DNAJC10: variants seen among roughly 807,000 people sequenced by gnomAD.
DNAJC10 encodes the protein endoplasmic reticulum disulfide reductase DNAJC10.
Under a neutral mutation model 115.0 loss-of-function variants are expected in DNAJC10, and 101 were observed. The ratio of observed to expected loss-of-function variants is 0.88; its 90% CI spans 0.75 to 1.04. The LOEUF (loss-of-function observed/expected upper bound fraction) is 1.04, where lower values mean the gene tolerates loss of function less well. Among genes scored for constraint, DNAJC10 ranks in the 50% least tolerant of loss-of-function variants. The pLI is 0.00. For missense variants in DNAJC10, 981 were observed against 928.8 expected (o/e 1.06, Z -0.73); for synonymous variants, 307 against 301.5 (o/e 1.02, Z -0.19).
chr2:182,757,624 C>A lies in DNAJC10; in HGVS notation c.1810-68C>A, dbSNP rs570612750. 3.0e-4 allele frequency: 367 copies of A among 1,220,180 alleles called. 4 individuals carry two copies. In the South Asian group the frequency reaches 6.7e-3, roughly 22 times the overall value. The allele number at this position is 1,220,180 out of a possible 1,614,324, so 75.6% of individuals were successfully genotyped here. On this transcript the variant is annotated intron_variant, in intron 18 of 23. Transcript: ENST00000264065. ...TAATAACTGTTTCACCATAATAATACAATGCTTATTTCTTTATTGCAAACA... is the reference window on the plus strand; with the variant it reads ...TAATAACTGTTTCACCATAATAATAAAATGCTTATTTCTTTATTGCAAACA...
intron 13 of DNAJC10, among the ~76,000 whole-genome samples, chr2:182,742,514 TTA>T (rs1693761399): frequency 2.0e-5 from 3 of 151,954 alleles, no homozygotes; most frequent in Non-Finnish European, 4.4e-5. Context: ...CAACTCAAGG[TTA>T]TGTTTTCTTA....
chr2:182,731,155 T>C, intron 9 of DNAJC10, 48 bp downstream of exon 9: 3 of 1,436,136 alleles, frequency 2.1e-6, no homozygotes, highest in Non-Finnish European at 2.9e-6. Flanking sequence ...GACATTTAAA[T>C]TTTTGGTGAC....
At chr2:182,740,501 C>CT in intron 12 of DNAJC10, 113 bp downstream of exon 12, 6 of 1,036,590 alleles carry the variant, frequency 5.8e-6, no homozygotes, top group Non-Finnish European at 6.7e-6. Flanking sequence ...TTGAAAGTAG[C>CT]AGTTTCAAAG....
In DNAJC10 at chr2:182,779,026, A is replaced by C. The variant is rs1426281083; in HGVS notation, c.*1894A>C. On this transcript the variant is annotated 3_prime_UTR_variant, in exon 24 of 24. Coordinates refer to ENST00000264065, the MANE Select transcript of DNAJC10 (RefSeq NM_018981.4). ...ATTGAGCTCATAAGGTACTTACATT[A>C]CTACCTATAAATGTTTCCTGTACTT... 6.6e-6 allele frequency: 1 copy of C among 152,220 alleles called. No homozygotes were observed. The highest frequency in any genetic ancestry group is 2.4e-5 in the African/African-American group (1 of 41,446). 9.4% of individuals were successfully genotyped at this position (152,220 alleles called of 1,614,324 possible). A position where few individuals can be genotyped will look rare whatever the true frequency, so the allele number is the denominator to read the frequency against.
chr2:182,757,863 T>A (rs1303583020), intron 19 of DNAJC10, 38 bp downstream of exon 19: 1 of 1,203,176 alleles, frequency 8.3e-7, no homozygotes, highest in African/African-American at 1.6e-5. Flanking sequence ...TTTATTATAA[T>A]TATTTAATTA....
At chr2:182,754,741 G>T (rs1446945454) in intron 16 of DNAJC10, 10 of 1,162,964 alleles carry the variant, frequency 8.6e-6, no homozygotes, top group South Asian at 5.6e-5. Context: ...TACCCATGCC[G>T]ATTTCTCAAT....
At chr2:182,716,505 G>C (rs1463362386) in intron 1 of DNAJC10, 22 bp downstream of exon 1, 1 of 152,540 alleles carries the variant, frequency 6.6e-6, no homozygotes, top group African/African-American at 2.4e-5. Flanking sequence ...CCCGGGGCTA[G>C]GGCTTTGCTG....
At chr2:182,741,464 GA>G (rs1487720342) in intron 13 of DNAJC10, 108 bp downstream of exon 13, 1 of 547,518 alleles carries the variant, frequency 1.8e-6, no homozygotes, top group African/African-American at 2.0e-5. Flanking sequence ...GAAATTATAA[GA>G]AGCCTATAAG....
At chr2:182,721,903 A>G (rs1693158986) in intron 4 of DNAJC10, 122 bp from the exon 5 acceptor site, 1 of 535,858 alleles carries the variant, frequency 1.9e-6, no homozygotes. Flanking sequence ...CATATTCTCT[A>G]AGTTTGAGAT....
chr2:182,728,530 C>G (rs545296821), intron 5 of DNAJC10, 46 bp from the exon 6 acceptor site: 2 of 1,411,724 alleles, frequency 1.4e-6, no homozygotes, highest in Non-Finnish European at 2.0e-6. Flanking sequence ...TATGCATGAA[C>G]CTTTAATAAA....
rs970323328 is a variant in DNAJC10, at chr2:182,775,213, T to C, written c.2266-103T>C. The C allele has an allele frequency of 1.2e-5, 9 of 761,912 alleles. No homozygotes were observed. In the South Asian group the frequency reaches 1.7e-4, roughly 14 times the overall value. The allele number at this position is 761,912 out of a possible 1,614,324, so 47.2% of individuals were successfully genotyped here. ...AATTTGAATTTCAAACACTTCAAGT[T>C]TTGGAACAAAAGAACTTGAAAGCAT... On this transcript the variant is annotated intron_variant, in intron 22 of 23. Transcript: ENST00000264065.
intron 14 of DNAJC10, among the ~76,000 whole-genome samples, chr2:182,747,092 C>A (rs1034557674): frequency 2.6e-5 from 4 of 152,166 alleles, no homozygotes; most frequent in African/African-American, 7.2e-5. Flanking sequence ...TGATCTATAT[C>A]TCTGTTTTGG....
At chr2:182,749,204 G>A (rs557702483) in intron 14 of DNAJC10, among the ~76,000 whole-genome samples, 11 of 138,548 alleles carry the variant, frequency 7.9e-5, no homozygotes, top group Admixed American at 2.9e-4. Flanking sequence ...TAATTCCTGG[G>A]TATCCTTGTT....
chr2:182,782,154 T>G lies in DNAJC10; in HGVS notation c.*5022T>G, dbSNP rs1303533403. 6.6e-6 allele frequency: 1 copy of G among 152,220 alleles called. No homozygotes were observed. The highest frequency in any genetic ancestry group is 2.4e-5 in the African/African-American group (1 of 41,466). 9.4% of individuals were successfully genotyped at this position (152,220 alleles called of 1,614,324 possible). A position where few individuals can be genotyped will look rare whatever the true frequency, so the allele number is the denominator to read the frequency against. ...GTAAGGAAGGGGTCCCAGTTTCAGT[T>G]TTCTACATGTGGCTAGCCTGTTTTC... On this transcript the variant is annotated 3_prime_UTR_variant, in exon 24 of 24. Transcript: ENST00000264065.
rs1466239543 is a variant in DNAJC10 at position 182,778,252 on chromosome 2, T to C, written c.*1120T>C. 1 of 152,204 alleles carries C rather than the reference T, an allele frequency of 6.6e-6. No individual in the cohort carries two copies. The highest frequency in any genetic ancestry group is 2.4e-5 in the African/African-American group (1 of 41,454). 9.4% of individuals were successfully genotyped at this position (152,204 alleles called of 1,614,324 possible). A position where few individuals can be genotyped will look rare whatever the true frequency, so the allele number is the denominator to read the frequency against. On this transcript the variant is annotated 3_prime_UTR_variant, in exon 24 of 24. Transcript: ENST00000264065. ...GTAGCTTATAATGATACTGTAGTTATTCCAGTTACTAGTTTACTGTCAGAG... is the reference window on the plus strand; with the variant it reads ...GTAGCTTATAATGATACTGTAGTTACTCCAGTTACTAGTTTACTGTCAGAG...
chr2:182,763,706 G>A (rs1466124437), intron 22 of DNAJC10, among the ~76,000 whole-genome samples: 4 of 152,036 alleles, frequency 2.6e-5, no homozygotes, highest in Non-Finnish European at 5.9e-5. Context: ...GACCTCAAAT[G>A]CCACGTACAT....
chr2:182,733,601 G>T (rs1693506288), intron 10 of DNAJC10, among the ~76,000 whole-genome samples: 1 of 151,138 alleles, frequency 6.6e-6, no homozygotes, highest in African/African-American at 2.4e-5. Flanking sequence ...TCAAAGTTAG[G>T]CTGGCCTTTA....
In DNAJC10 at chr2:182,780,965, C is replaced by T. The variant is rs1694830866; in HGVS notation, c.*3833C>T. 1.1e-5 allele frequency: 1 copy of T among 92,262 alleles called. No homozygotes were observed. Among genetic ancestry groups the T allele is most frequent in the Admixed American group, 9.6e-5 (1 of 10,434 alleles). 5.7% of individuals were successfully genotyped at this position (92,262 alleles called of 1,614,324 possible). On this transcript the variant is annotated 3_prime_UTR_variant, in exon 24 of 24. Coordinates refer to ENST00000264065, the MANE Select transcript of DNAJC10 (RefSeq NM_018981.4). ...CTGATAGACAATCTTCATTAAGCAA[C>T]TGCTGTTTTTTTTTTTTAATACTTC... is the stretch of plus-strand genomic sequence containing the variant.
intron 4 of DNAJC10, among the ~76,000 whole-genome samples, chr2:182,720,621 A>G (rs1693126612): frequency 6.6e-6 from 1 of 152,162 alleles, no homozygotes; most frequent in Admixed American, 6.5e-5. Context: ...AGTAAGCTAT[A>G]CTATCTAGGT....
Sources: gnomAD v4.1 joint callset for allele counts (sites outside exome capture counted in the v4.1 genomes callset) on GRCh38, gnomAD v4.1.1 for gene constraint, MANE v1.5 for transcripts, NCBI Gene and HGNC (gene_info 2026-07-23, HGNC 2026-07-21) for gene names.